The following ELOVL6 variants were observed in gnomAD, a reference collection of about 807,000 sequenced individuals.
ELOVL6 encodes very long chain fatty acid elongase 6.
Under a neutral mutation model 31.7 loss-of-function variants are expected in ELOVL6, and 8 were observed. That is an observed-to-expected ratio of 0.25 (90% CI 0.15 to 0.45). The LOEUF is 0.45. ELOVL6 is among the 20% of genes least tolerant of loss of function. The pLI is 1.00. For synonymous variants in ELOVL6, 101 were observed against 117.7 expected, an observed-to-expected ratio of 0.86 and a Z score of 0.92; for missense variants, 126 against 326.4, an observed-to-expected ratio of 0.39 and a Z score of 4.73.
At chr4:110,075,655 T>C (rs1243626513) in intron 2 of ELOVL6, among the ~76,000 whole-genome samples, 1 of 152,196 alleles carries the variant, frequency 6.6e-6, no homozygotes, top group Non-Finnish European at 1.5e-5. Context: ...TTCAGTTTTA[T>C]AAGATGAAAA....
chr4:110,084,366 T>C lies in ELOVL6; in HGVS notation c.221+21131A>G, dbSNP rs1422147041. Among the ~76,000 whole-genome samples, 57 of 49,044 alleles carry C rather than the reference T, an allele frequency of 1.2e-3. 1 individual carries two copies. The highest frequency in any genetic ancestry group is 6.8e-3 in the African/African-American group (55 of 8,078). The allele number at this position is 49,044 out of a possible 152,430, so 32.2% of individuals were successfully genotyped here. ...TATGATATATGATATATACCGCATA[T>C]ATGATATATGATATATATCGCATAT... is the stretch of plus-strand genomic sequence containing the variant. On this transcript the variant is annotated intron_variant, in intron 2 of 3. Transcript: ENST00000302274.
In ELOVL6 at chr4:110,084,253, A is replaced by ACATGTATGATATATAT. The variant is rs1756091066; in HGVS notation, c.221+21243_221+21244insATATATATCATACATG. The stretch of plus-strand genomic sequence containing the variant: ...ATATATAACATATATGATATATATA[A>ACATGTATGATATATAT]CATATAGCTTATATGTGATATATAA... On this transcript the variant is annotated intron_variant, in intron 2 of 3. Transcript: ENST00000302274. Among the ~76,000 whole-genome samples the ACATGTATGATATATAT allele has an allele frequency of 3.1e-5, 4 of 128,018 alleles. No homozygotes were observed. The Admixed American group carries it at 3.5e-4, about 11-fold the overall frequency. 84.0% of individuals were successfully genotyped at this position (128,018 alleles called of 152,430 possible).
At chr4:110,151,709 T>C (rs965349670) in intron 1 of ELOVL6, among the ~76,000 whole-genome samples, 7 of 152,236 alleles carry the variant, frequency 4.6e-5, no homozygotes, top group African/African-American at 1.7e-4. Flanking sequence ...GGCAATCTTG[T>C]ATCATAAATA....
At chr4:110,076,441 C>G (rs1652835694) in intron 2 of ELOVL6, among the ~76,000 whole-genome samples, 2 of 152,098 alleles carry the variant, frequency 1.3e-5, no homozygotes, top group Non-Finnish European at 2.9e-5. Context: ...GAGAAAACTG[C>G]TTTGTGGCAC....
At chr4:110,096,354 G>A (rs1392944403) in intron 2 of ELOVL6, among the ~76,000 whole-genome samples, 2 of 152,102 alleles carry the variant, frequency 1.3e-5, no homozygotes, top group Admixed American at 6.5e-5. Context: ...ATTATAGCTC[G>A]TGGTTTCTCA....
rs868659704 is a variant in ELOVL6 at position 110,178,343 on chromosome 4, C to T, written c.89+19904G>A. 2.6e-5 allele frequency among the ~76,000 whole-genome samples: 4 copies of T among 151,920 alleles called. 1 individual carries two copies. In the South Asian group the frequency reaches 6.2e-4, roughly 24 times the overall value. Reference sequence around the variant, plus strand: ...TGGGCGGATCTTGAGGTCAGGAGTTCGAGACCAGCCTGTCCAATATGGTGA... The same window carrying T: ...TGGGCGGATCTTGAGGTCAGGAGTTTGAGACCAGCCTGTCCAATATGGTGA... On this transcript the variant is annotated intron_variant, in intron 1 of 3. Coordinates refer to ENST00000302274, the MANE Select transcript of ELOVL6 (RefSeq NM_024090.3).
At chr4:110,101,942 C>CT (rs1346743653) in intron 2 of ELOVL6, among the ~76,000 whole-genome samples, 1 of 152,146 alleles carries the variant, frequency 6.6e-6, no homozygotes, top group East Asian at 1.9e-4. Context: ...ATCTTCTCTG[C>CT]TTTTGCCCCC....
intron 2 of ELOVL6, among the ~76,000 whole-genome samples, chr4:110,072,136 A>G (rs1755503204): frequency 6.6e-6 from 1 of 152,230 alleles, no homozygotes; most frequent in South Asian, 2.1e-4. Flanking sequence ...GCACACTCTC[A>G]GAACATTGAG....
chr4:110,084,113 T>TATATAACATATATATGATATATATG (rs1560814056), intron 2 of ELOVL6, among the ~76,000 whole-genome samples: 4 of 76,946 alleles, frequency 5.2e-5, no homozygotes, highest in Non-Finnish European at 6.9e-5. Flanking sequence ...ATATATATGA[T>TATATAACATATATATGATATATATG]ATATATAACA....
chr4:110,127,464 G>GCTT (rs1418136122), intron 1 of ELOVL6, among the ~76,000 whole-genome samples: 1 of 145,090 alleles, frequency 6.9e-6, no homozygotes, highest in Admixed American at 6.9e-5. Context: ...AGCTCCTAAA[G>GCTT]CTTCTCCTCT....
rs551517833 is a variant in ELOVL6, at chr4:110,118,529, C to T, written c.90-12901G>A. Among the ~76,000 whole-genome samples, 80 of 152,172 alleles carry T rather than the reference C, an allele frequency of 5.3e-4. 1 individual carries two copies. Among genetic ancestry groups the T allele is most frequent in the African/African-American group, 1.9e-3 (78 of 41,520 alleles). ...TCACACAATAACATTTCTTTTTATG[C>T]CTGGCTTAGGATAATATCTTCCAGG... On this transcript the variant is annotated intron_variant, in intron 1 of 3. Coordinates refer to ENST00000302274, the MANE Select transcript of ELOVL6 (RefSeq NM_024090.3).
chr4:110,069,849 G>T (rs929030888), intron 2 of ELOVL6, among the ~76,000 whole-genome samples: 6 of 152,102 alleles, frequency 3.9e-5, no homozygotes, highest in African/African-American at 1.4e-4. Flanking sequence ...TGACTTGGGA[G>T]CCCCTGTGGG....
At chr4:110,105,368 CTTTAT>C (rs1756858566) in intron 2 of ELOVL6, 124 bp downstream of exon 2, 14 of 993,866 alleles carry the variant, frequency 1.4e-5, no homozygotes, top group South Asian at 4.9e-5. Context: ...CTGAACATGA[CTTTAT>C]TTTATGTCCT....
At chr4:110,054,206 C>A (rs1358950213) in intron 3 of ELOVL6, among the ~76,000 whole-genome samples, 3 of 152,170 alleles carry the variant, frequency 2.0e-5, no homozygotes, top group Admixed American at 2.0e-4. Context: ...TTGCAAGATG[C>A]CAGATTTTTA....
At chr4:110,186,680 T>C (rs1759448846) in intron 1 of ELOVL6, among the ~76,000 whole-genome samples, 1 of 150,920 alleles carries the variant, frequency 6.6e-6, no homozygotes, top group African/African-American at 2.4e-5. Flanking sequence ...GGCACGTGCC[T>C]GTAAGTCCAG....
intron 1 of ELOVL6, among the ~76,000 whole-genome samples, chr4:110,196,686 G>C (rs1759802003): frequency 6.6e-6 from 1 of 152,254 alleles, no homozygotes; most frequent in African/African-American, 2.4e-5. Context: ...CCGCCTCTTA[G>C]GCTCCGGCTC....
chr4:110,164,931 C>A (rs1484044278), intron 1 of ELOVL6, among the ~76,000 whole-genome samples: 1 of 151,882 alleles, frequency 6.6e-6, no homozygotes, highest in African/African-American at 2.4e-5. Flanking sequence ...CTCTGCCCCC[C>A]AGGCTCAAGC....
intron 1 of ELOVL6, among the ~76,000 whole-genome samples, chr4:110,142,953 C>T (rs1758005484): frequency 6.6e-6 from 1 of 152,146 alleles, no homozygotes; most frequent in African/African-American, 2.4e-5. Flanking sequence ...TCCCCTCTCC[C>T]GTCCCTCAGC....
chr4:110,118,380 T>C (rs1000865714), intron 1 of ELOVL6, among the ~76,000 whole-genome samples: 1 of 152,190 alleles, frequency 6.6e-6, no homozygotes, highest in Non-Finnish European at 1.5e-5. Context: ...ATCTCTTTAT[T>C]AACCACTTTT....
Sources: gnomAD v4.1 joint callset for allele counts (sites outside exome capture counted in the v4.1 genomes callset) on GRCh38, gnomAD v4.1.1 for gene constraint, MANE v1.5 for transcripts, NCBI Gene and HGNC (gene_info 2026-07-23, HGNC 2026-07-21) for gene names.